HS3ST4: variants seen among roughly 807,000 people sequenced by gnomAD.
HS3ST4 encodes heparan sulfate glucosamine 3-O-sulfotransferase 4.
Under a neutral mutation model 29.2 loss-of-function variants are expected in HS3ST4, and 17 were observed. The observed-to-expected ratio is 0.58, with a 90% confidence interval of 0.40 to 0.87. The LOEUF is 0.87. Ranked by LOEUF, HS3ST4 falls within the 40% of genes least tolerant of loss-of-function variation. HS3ST4 has a pLI of 0.00. For missense variants in HS3ST4, 627 were observed against 634.5 expected (o/e 0.99, Z 0.13); for synonymous variants, 314 against 285.7 (o/e 1.10, Z -1.00).
At chr16:26,103,119 A>G (rs575133988) in intron 1 of HS3ST4, among the ~76,000 whole-genome samples, 3 of 152,154 alleles carry the variant, frequency 2.0e-5, no homozygotes, top group South Asian at 2.1e-4. Context: ...AATATAGTCT[A>G]TATGTCCAGG....
intron 1 of HS3ST4, among the ~76,000 whole-genome samples, chr16:25,945,216 T>C (rs1968613436): frequency 6.6e-6 from 1 of 152,192 alleles, no homozygotes; most frequent in Non-Finnish European, 1.5e-5. Flanking sequence ...ATATTGTATA[T>C]TATTGTGCAT....
intron 1 of HS3ST4, among the ~76,000 whole-genome samples, chr16:25,907,907 G>A (rs978922574): frequency 1.3e-5 from 2 of 152,202 alleles, no homozygotes; most frequent in African/African-American, 4.8e-5. Flanking sequence ...TTCCTGGGAA[G>A]ATAACTTATT....
At chr16:25,763,147 T>G (rs907080623) in intron 1 of HS3ST4, among the ~76,000 whole-genome samples, 10 of 152,156 alleles carry the variant, frequency 6.6e-5, no homozygotes, top group Admixed American at 1.3e-4. Flanking sequence ...GGTAGCAGGC[T>G]GCCTGCTAAG....
intron 1 of HS3ST4, among the ~76,000 whole-genome samples, chr16:25,822,653 G>A (rs532756907): frequency 4.6e-5 from 7 of 152,214 alleles, no homozygotes; most frequent in African/African-American, 1.7e-4. Context: ...CCCTGATAGT[G>A]TGCTTTTTTC....
chr16:26,098,971 G>A (rs528718697), intron 1 of HS3ST4, among the ~76,000 whole-genome samples: 3 of 152,026 alleles, frequency 2.0e-5, no homozygotes, highest in Admixed American at 6.5e-5. Context: ...GGCACTAAAC[G>A]ACAGGTGTGG....
At chr16:26,107,240 A>T (rs927396438) in intron 1 of HS3ST4, among the ~76,000 whole-genome samples, 2 of 152,106 alleles carry the variant, frequency 1.3e-5, no homozygotes, top group Middle Eastern at 3.4e-3. Context: ...GAAATCGTTT[A>T]ACACAAAACT....
rs78653245 is a variant in HS3ST4, at chr16:25,770,414, G to T, written c.734+77263G>T. On this transcript the variant is annotated intron_variant, in intron 1 of 1. Transcript: ENST00000331351. Reference sequence around the variant, plus strand: ...ATTTTCACAACCACCTTAGGAATTTGGTTCTATTATCACCTCTAGCTTATA... The same window carrying T: ...ATTTTCACAACCACCTTAGGAATTTTGTTCTATTATCACCTCTAGCTTATA... 6.8e-3 allele frequency among the ~76,000 whole-genome samples: 1,035 copies of T among 152,216 alleles called. 11 individuals carry two copies. The highest frequency in any genetic ancestry group is 0.024 in the African/African-American group (996 of 41,532).
chr16:25,941,724 A>ACGC (rs764527727), intron 1 of HS3ST4, among the ~76,000 whole-genome samples: 7 of 152,008 alleles, frequency 4.6e-5, no homozygotes, highest in African/African-American at 1.4e-4. Context: ...TTACAGGCAC[A>ACGC]CGCCACCACA....
chr16:25,707,112 C>CT (rs1455737521), intron 1 of HS3ST4, among the ~76,000 whole-genome samples: 2 of 152,138 alleles, frequency 1.3e-5, no homozygotes, highest in Non-Finnish European at 2.9e-5. Flanking sequence ...ATCAGATTGA[C>CT]TGTCGTGGTA....
chr16:25,922,181 G>T (rs1968360937), intron 1 of HS3ST4, among the ~76,000 whole-genome samples: 1 of 152,060 alleles, frequency 6.6e-6, no homozygotes, highest in Non-Finnish European at 1.5e-5. Flanking sequence ...TGCTGCTATG[G>T]TCTGAAAATT....
At chr16:25,732,676 C>G (rs535434641) in intron 1 of HS3ST4, among the ~76,000 whole-genome samples, 2 of 152,294 alleles carry the variant, frequency 1.3e-5, no homozygotes, top group East Asian at 3.9e-4. Flanking sequence ...ACTGATTTAA[C>G]AGCAACAACA....
chr16:26,035,433 A>G (rs1339397865), intron 1 of HS3ST4, among the ~76,000 whole-genome samples: 3 of 152,220 alleles, frequency 2.0e-5, no homozygotes, highest in Admixed American at 1.3e-4. Context: ...AAATATCCCA[A>G]ACTGAAGCTG....
At chr16:25,996,762 G>T (rs144135196) in intron 1 of HS3ST4, among the ~76,000 whole-genome samples, 1 of 151,840 alleles carries the variant, frequency 6.6e-6, no homozygotes, top group South Asian at 2.1e-4. Context: ...ATTAAAATTG[G>T]CATTATTTTA....
chr16:25,849,146 T>A (rs1032848088), intron 1 of HS3ST4, among the ~76,000 whole-genome samples: 3 of 152,228 alleles, frequency 2.0e-5, no homozygotes, highest in Non-Finnish European at 4.4e-5. Context: ...TTCTTCTATG[T>A]AGCTTTAACA....
intron 1 of HS3ST4, among the ~76,000 whole-genome samples, chr16:25,919,983 C>T (rs1362320827): frequency 6.6e-6 from 1 of 152,208 alleles, no homozygotes; most frequent in Non-Finnish European, 1.5e-5. Flanking sequence ...AGTGGAGCCA[C>T]AGGCTATGAG....
chr16:26,127,300 T>A (rs1899357468), intron 1 of HS3ST4, among the ~76,000 whole-genome samples: 1 of 152,202 alleles, frequency 6.6e-6, no homozygotes, highest in South Asian at 2.1e-4. Context: ...CCTGCTGCCA[T>A]GCCTTAAGAC....
intron 1 of HS3ST4, among the ~76,000 whole-genome samples, chr16:26,042,884 C>T (rs1969647918): frequency 1.3e-5 from 2 of 152,144 alleles, no homozygotes; most frequent in African/African-American, 4.8e-5. Context: ...GAACTTTCAG[C>T]CTTTTGCTGG....
intron 1 of HS3ST4, among the ~76,000 whole-genome samples, chr16:26,091,683 A>G (rs1430041732): frequency 6.6e-6 from 1 of 152,220 alleles, no homozygotes; most frequent in East Asian, 1.9e-4. Context: ...GCAATGGAAC[A>G]TTCAAGTCAC....
intron 1 of HS3ST4, among the ~76,000 whole-genome samples, chr16:25,839,125 C>A (rs1344753620): frequency 6.6e-6 from 1 of 152,158 alleles, no homozygotes; most frequent in African/African-American, 2.4e-5. Context: ...ATCCAGGACT[C>A]TGTATATATC....
Sources: allele counts gnomAD v4.1 joint callset (sites outside exome capture counted in the v4.1 genomes callset), GRCh38; gene constraint gnomAD v4.1.1; transcripts MANE v1.5; gene names NCBI Gene and HGNC (gene_info 2026-07-23, HGNC 2026-07-21).